Variants in HAP1 observed in about 807,000 individuals in gnomAD.
HAP1 encodes the protein huntingtin associated protein 1, also known as huntingtin-associated protein 1.
HAP1 carries 59 observed loss-of-function variants against 60.3 expected under a neutral mutation model. The ratio of observed to expected loss-of-function variants is 0.98; its 90% CI spans 0.79 to 1.22. HAP1 has a LOEUF of 1.22. Ranked by LOEUF, HAP1 falls within the 50% of genes most tolerant of loss-of-function variation. HAP1 has a pLI of 0.00. For synonymous variants in HAP1, 346 were observed against 330.6 expected (o/e 1.05, Z -0.50); for missense variants, 825 against 785.3 (o/e 1.05, Z -0.60).
At chr17:41,727,455 T>C (rs782697667) in intron 8 of HAP1, 2 of 778,184 alleles carry the variant, frequency 2.6e-6, no homozygotes, top group Non-Finnish European at 4.8e-6. Flanking sequence ...CCACACGCTC[T>C]GCTGGGACCC....
At chr17:41,727,415 C>G (rs1555589200) in intron 8 of HAP1, 1 of 779,520 alleles carries the variant, frequency 1.3e-6, no homozygotes, top group Non-Finnish European at 2.4e-6. Context: ...CCATGTACTT[C>G]TCCCGCAGGT....
Position 41,727,847 on chromosome 17 carries a change from C to A in HAP1, c.1201-11G>T, listed in dbSNP as rs782591510. The A allele has an allele frequency of 2.6e-6, 4 of 1,560,548 alleles. No individual in the cohort carries two copies. The highest frequency in any genetic ancestry group is 4.5e-5 in the East Asian group (2 of 44,668). On this transcript the variant is annotated splice_polypyrimidine_tract_variant and intron_variant, in intron 7 of 10. Coordinates refer to ENST00000347901, the MANE Select transcript of HAP1 (RefSeq NM_177977.3). Reference sequence around the variant, plus strand: ...AGTCTCAGCCCCATACTGGAAGGACCCAAAACCAGTGAACCCCCATCTGAG... The same window carrying A: ...AGTCTCAGCCCCATACTGGAAGGACACAAAACCAGTGAACCCCCATCTGAG...
chr17:41,728,204 C>T lies in HAP1; in HGVS notation c.1197G>A (p.Arg399=). ...GTTCCACACACACCCGACTCACCAT[C>T]CGGCAGCGCTGCTGCAGCTTCAGCA... ...AQVLKLQQRC[R]MYGAETEKLQ... Residue 399 remains arginine, a synonymous_variant, in exon 7 of 11, where the codon CGG becomes CGA. Coordinates refer to ENST00000347901, the MANE Select transcript of HAP1 (RefSeq NM_177977.3). 3.1e-6 allele frequency: 5 copies of T among 1,611,218 alleles called. No individual in the cohort carries two copies. Among genetic ancestry groups the T allele is most frequent in the Non-Finnish European group, 4.2e-6 (5 of 1,179,992 alleles).
At chr17:41,720,214 A>T (rs1006272736), downstream of HAP1, among the ~76,000 whole-genome samples, 3 of 138,012 alleles carry the variant, frequency 2.2e-5, no homozygotes, top group Non-Finnish European at 4.6e-5. Context: ...TTTATTTTTG[A>T]CACAGAGTTT....
rs782513452 is a variant in HAP1 at position 41,734,299 on chromosome 17, C to G, written c.336G>C (p.Pro112=). 2.5e-6 allele frequency: 4 copies of G among 1,609,160 alleles called. No homozygotes were observed. In the South Asian group the frequency reaches 4.4e-5, roughly 18 times the overall value. ...APWTRFVFQG[P]FGSRATGRGT... Reference sequence around the variant, plus strand: ...CCCGGCCAGTGGCCCGGGAACCAAACGGCCCTTGGAATACGAAGCGGGTCC... The same window carrying G: ...CCCGGCCAGTGGCCCGGGAACCAAAGGGCCCTTGGAATACGAAGCGGGTCC... The change falls in exon 1 of 11, where the codon CCG becomes CCC. Residue 112 remains proline (P), a synonymous_variant. Coordinates refer to ENST00000347901, the MANE Select transcript of HAP1 (RefSeq NM_177977.3).
intron 1 of HAP1, 123 bp downstream of exon 1, chr17:41,734,043 G>A: frequency 2.8e-6 from 2 of 703,748 alleles, no homozygotes; most frequent in Non-Finnish European, 4.6e-6. Flanking sequence ...TGACATCGCG[G>A]GGGTGGTGGA....
Position 41,725,151 on chromosome 17 carries a change from A to G in HAP1, c.1410T>C (p.Tyr470=). Residue 470 remains tyrosine, a synonymous_variant, in exon 11 of 11, where the codon TAT becomes TAC. Coordinates refer to ENST00000347901, the MANE Select transcript of HAP1 (RefSeq NM_177977.3). ...MPRGDTSSLR[Y]DFRYSEDREQ... is the part of the protein sequence containing the mutation. ...CTCGATCCTCACTGTAGCGAAAATCATACCTGGGCGGGAGATAGCGACATC... is the reference window on the plus strand; with the variant it reads ...CTCGATCCTCACTGTAGCGAAAATCGTACCTGGGCGGGAGATAGCGACATC... 6.4e-7 allele frequency: 1 copy of G among 1,574,098 alleles called. No homozygotes were observed. The highest frequency in any genetic ancestry group is 8.6e-7 in the Non-Finnish European group (1 of 1,157,568).
At chr17:41,732,972 T>A (rs1158446593) in intron 1 of HAP1, among the ~76,000 whole-genome samples, 174 bp from the exon 2 acceptor site, 1 of 147,504 alleles carries the variant, frequency 6.8e-6, no homozygotes, top group Admixed American at 6.8e-5. Context: ...CCCTCGGCAC[T>A]CAACACTCCC....
In HAP1 at chr17:41,732,450, TC is replaced by T. The variant is rs1912297637; in HGVS notation, c.550-57del. Reference sequence around the variant, plus strand: ...TAGGCCCCTAAGAGAACCTTCCCCATCCCCTAGTTCTCTAGGGTACCAGACC... The same window carrying T: ...TAGGCCCCTAAGAGAACCTTCCCCATCCCTAGTTCTCTAGGGTACCAGACC... On this transcript the variant is annotated intron_variant, in intron 2 of 10. Coordinates refer to ENST00000347901, the MANE Select transcript of HAP1 (RefSeq NM_177977.3). The T allele has an allele frequency of 4.5e-6, 7 of 1,563,000 alleles. No homozygotes were observed. In the East Asian group the frequency reaches 1.6e-4, roughly 36 times the overall value.
At chr17:41,731,844 C>A in intron 4 of HAP1, 93 bp downstream of exon 4, 1 of 930,476 alleles carries the variant, frequency 1.1e-6, no homozygotes, top group South Asian at 1.4e-5. Context: ...TTCCAGCAAC[C>A]CTGCCAGCAA....
chr17:41,727,260 A>G lies in HAP1; in HGVS notation c.1276-116T>C, dbSNP rs61283957. ...GCCACCAAGGCTGAGACACAGGCAC[A>G]GACGTAGGAAAGTGGGCAGCCAGGG... On this transcript the variant is annotated intron_variant, in intron 8 of 10. Coordinates refer to ENST00000347901, the MANE Select transcript of HAP1 (RefSeq NM_177977.3). 5.1e-3 allele frequency: 3,998 copies of G among 788,710 alleles called. 89 individuals are homozygous for G. The African/African-American group carries it at 0.056, about 11-fold the overall frequency. The allele number at this position is 788,710 out of a possible 1,614,324, so 48.9% of individuals were successfully genotyped here.
chr17:41,732,271 TCTC>T lies in HAP1; in HGVS notation c.670_672del (p.Glu224del), dbSNP rs781829625. On this transcript the variant is annotated inframe_deletion, in exon 3 of 11. Transcript: ENST00000347901. ...CCCAGCAGGGCTTCCAGCTTGCTGTTCTCCTCCATCAAAACACTGTTCTGTTTC... is the reference window on the plus strand; with the variant it reads ...CCCAGCAGGGCTTCCAGCTTGCTGTTCTCCATCAAAACACTGTTCTGTTTC... 2.7e-5 allele frequency: 43 copies of T among 1,613,966 alleles called. No homozygotes were observed. The highest frequency in any genetic ancestry group is 1.9e-5 in the Non-Finnish European group (22 of 1,180,028).
At chr17:41,719,052 C>A (rs1555586533), downstream of HAP1, among the ~76,000 whole-genome samples, 3 of 152,144 alleles carry the variant, frequency 2.0e-5, no homozygotes, top group African/African-American at 7.2e-5. Context: ...CATCTCAGCT[C>A]ACTGCAACCT....
intron 6 of HAP1, 67 bp downstream of exon 6, chr17:41,731,426 C>CCA: frequency 9.2e-7 from 1 of 1,085,050 alleles, no homozygotes; most frequent in Non-Finnish European, 1.4e-6. Flanking sequence ...TCTCCATACT[C>CCA]CACATCTTGA....
At chr17:41,717,970 G>A (rs1555586283), downstream of HAP1, 3 of 469,408 alleles carry the variant, frequency 6.4e-6, no homozygotes, top group South Asian at 3.1e-5. Context: ...CGCCACCTGA[G>A]GGCTGTAGAG....
At position 41,734,204 on chromosome 17, in the gene HAP1, C is replaced by A; in HGVS notation, c.431G>T (p.Gly144Val). The change falls in exon 1 of 11, where the codon GGC (glycine) becomes GTC (valine). Residue 144 changes from glycine to valine, a missense_variant. By Grantham distance (109) the Gly-to-Val change is moderately radical. Coordinates refer to ENST00000347901, the MANE Select transcript of HAP1 (RefSeq NM_177977.3). ...CCGAATAAAGGCGGCGCGCTCAGGG[C>A]CGGACACCCCGGGTCGCCGGCCAAC... ...AYVGRRPGVSGPERAAFIREL... is the reference protein window; with the variant it reads ...AYVGRRPGVSVPERAAFIREL... 1 of 1,595,708 alleles carries A rather than the reference C, an allele frequency of 6.3e-7. No individual in the cohort carries two copies. Among genetic ancestry groups the A allele is most frequent in the Non-Finnish European group, 8.6e-7 (1 of 1,166,768 alleles).
intron 7 of HAP1, 96 bp downstream of exon 7, chr17:41,728,105 G>T: frequency 7.1e-7 from 1 of 1,402,716 alleles, no homozygotes; most frequent in Non-Finnish European, 1.0e-6. Context: ...ACACAGAAAG[G>T]GACCTCAGGC....
rs148545796 is a variant in HAP1, at chr17:41,732,370, C to T, written c.574G>A (p.Val192Ile). 3.1e-4 allele frequency: 508 copies of T among 1,614,106 alleles called. 6 individuals are homozygous for T. The East Asian group carries it at 6.8e-3, about 22-fold the overall frequency. ...CTCTGCAGGACCATCCCATAGGTAA[C>T]GCTCTCCCAGACAGGTGGGAGAAGC... The part of the protein sequence containing the change: ...EELLPPVWES[V>I]TYGMVLQRER... The change falls in exon 3 of 11, where the codon GTT (valine) becomes ATT (isoleucine). Residue 192 changes from valine to isoleucine, a missense_variant. Transcript: ENST00000347901.
Position 41,734,449 on chromosome 17 carries a change from C to T in HAP1, c.186G>A (p.Ser62=), listed in dbSNP as rs377609313. The T allele has an allele frequency of 1.9e-6, 3 of 1,608,588 alleles. No individual in the cohort carries two copies. Among genetic ancestry groups the T allele is most frequent in the South Asian group, 1.1e-5 (1 of 90,932 alleles). The stretch of plus-strand genomic sequence containing the variant: ...CCGGGCGAGCTCCGGTGCGGGCTTC[C>T]GAGAGGAACTGGGATCCAGAGGTGG... ...SRATSGSQFL[S]EARTGARPAS... The change falls in exon 1 of 11, where the codon TCG becomes TCA. Residue 62 remains serine (S), a synonymous_variant. Coordinates refer to ENST00000347901, the MANE Select transcript of HAP1 (RefSeq NM_177977.3).
Sources: allele counts gnomAD v4.1 joint callset (sites outside exome capture counted in the v4.1 genomes callset), GRCh38; gene constraint gnomAD v4.1.1; transcripts MANE v1.5; gene names NCBI Gene and HGNC (gene_info 2026-07-23, HGNC 2026-07-21).